Variants in ARNT2 observed in about 807,000 individuals in gnomAD.
ARNT2 encodes the protein aryl hydrocarbon receptor nuclear translocator 2, also known as ARNT protein 2.
Under a neutral mutation model 91.7 loss-of-function variants are expected in ARNT2, and 36 were observed. The ratio of observed to expected loss-of-function variants is 0.39; its 90% CI spans 0.30 to 0.52. The LOEUF (loss-of-function observed/expected upper bound fraction) is 0.52, where lower values mean the gene tolerates loss of function less well. ARNT2 is among the 20% of genes least tolerant of loss of function. The pLI is 0.72. For synonymous variants in ARNT2, 365 were observed against 347.1 expected, an observed-to-expected ratio of 1.05 and a Z score of -0.57; for missense variants, 775 against 939.3, an observed-to-expected ratio of 0.83 and a Z score of 2.29.
chr15:80,570,495 CT>C (rs779551625), intron 12 of ARNT2, among the ~76,000 whole-genome samples: 19 of 151,534 alleles, frequency 1.3e-4, no homozygotes, highest in South Asian at 2.1e-4. Context: ...GAAAGTAATG[CT>C]TTTTTTTTCT....
chr15:80,576,737 C>A (rs1898683078), intron 14 of ARNT2, 129 bp from the exon 15 acceptor site: 3 of 886,662 alleles, frequency 3.4e-6, no homozygotes, highest in African/African-American at 1.6e-5. Flanking sequence ...AGATTGCGTG[C>A]AGGCGGGCTG....
intron 1 of ARNT2, among the ~76,000 whole-genome samples, chr15:80,416,557 GATT>G (rs1458955188): frequency 1.3e-5 from 2 of 152,096 alleles, no homozygotes; most frequent in Middle Eastern, 3.2e-3. Context: ...TTTAACCTAG[GATT>G]ATAAGTTACA....
At chr15:80,491,796 C>CTTTTTTT (rs58958624) in intron 5 of ARNT2, among the ~76,000 whole-genome samples, 1 of 67,614 alleles carries the variant, frequency 1.5e-5, no homozygotes, top group African/African-American at 6.3e-5. Context: ...CAGGACAGGC[C>CTTTTTTT]TTTTTTTTTT....
intron 1 of ARNT2, among the ~76,000 whole-genome samples, chr15:80,422,900 CA>C (rs1372548647): frequency 6.6e-6 from 1 of 152,144 alleles, no homozygotes; most frequent in African/African-American, 2.4e-5. Flanking sequence ...CCATGATTAT[CA>C]CTTTTTGCGT....
Position 80,569,843 on chromosome 15 carries a change from G to A in ARNT2, c.1317-4305G>A, listed in dbSNP as rs74027854. 3.9e-5 allele frequency among the ~76,000 whole-genome samples: 6 copies of A among 152,194 alleles called. No individual in the cohort carries two copies. The South Asian group carries it at 8.3e-4, about 21-fold the overall frequency. ...GAGGGCCAGGTTTGTGCCCCACTTC[G>A]CCCCTTGGCCAGGCATCCGGGGCAC... On this transcript the variant is annotated intron_variant, in intron 12 of 18. Transcript: ENST00000303329.
intron 17 of ARNT2, among the ~76,000 whole-genome samples, chr15:80,587,111 A>T (rs1247621281): frequency 6.6e-6 from 1 of 152,216 alleles, no homozygotes; most frequent in East Asian, 1.9e-4. Context: ...GTGAGGCCTT[A>T]GCCAGAAGGC....
chr15:80,418,070 C>T (rs1001246110), intron 1 of ARNT2, among the ~76,000 whole-genome samples: 14 of 152,210 alleles, frequency 9.2e-5, no homozygotes, highest in African/African-American at 3.4e-4. Flanking sequence ...TTGTTTCTCT[C>T]AGCACCATCC....
intron 5 of ARNT2, among the ~76,000 whole-genome samples, chr15:80,485,334 C>T (rs577591040): frequency 6.6e-6 from 1 of 152,204 alleles, no homozygotes; most frequent in East Asian, 1.9e-4. Context: ...TTTTTTCTTT[C>T]TCTTTGTTCT....
intron 5 of ARNT2, among the ~76,000 whole-genome samples, chr15:80,492,657 A>G (rs188662815): frequency 4.1e-4 from 62 of 151,992 alleles, no homozygotes; most frequent in Admixed American, 6.5e-4. Context: ...TTTGCATATT[A>G]TATTTACCTC....
intron 5 of ARNT2, among the ~76,000 whole-genome samples, chr15:80,494,161 C>G (rs1897093969): frequency 6.6e-6 from 1 of 152,188 alleles, no homozygotes; most frequent in Non-Finnish European, 1.5e-5. Flanking sequence ...GACACATGAG[C>G]TGCTCATACT....
At chr15:80,569,164 A>G (rs1223906312) in intron 12 of ARNT2, among the ~76,000 whole-genome samples, 1 of 152,150 alleles carries the variant, frequency 6.6e-6, no homozygotes. Flanking sequence ...TGCCCGCTTC[A>G]TGGCTTCTTG....
At chr15:80,417,169 A>G (rs1392093918) in intron 1 of ARNT2, among the ~76,000 whole-genome samples, 1 of 152,226 alleles carries the variant, frequency 6.6e-6, no homozygotes, top group African/African-American at 2.4e-5. Flanking sequence ...TGACATACAA[A>G]TTGAAAAGCT....
chr15:80,440,969 T>G (rs1343581559), intron 1 of ARNT2, among the ~76,000 whole-genome samples: 1 of 152,258 alleles, frequency 6.6e-6, no homozygotes, highest in African/African-American at 2.4e-5. Flanking sequence ...TTGGGAATCA[T>G]GTGCCCTGTC....
At position 80,591,426 on chromosome 15, in the gene ARNT2, G is replaced by C. The variant is rs142411931; in HGVS notation, c.1919-142G>C. The C allele has an allele frequency of 9.4e-7, 1 of 1,061,106 alleles. No homozygotes were observed. The highest frequency in any genetic ancestry group is 1.6e-5 in the African/African-American group (1 of 63,402). 65.7% of individuals were successfully genotyped at this position (1,061,106 alleles called of 1,614,324 possible). A position where few individuals can be genotyped will look rare whatever the true frequency, so the allele number is the denominator to read the frequency against. ...TGATCTGTCAGCCAGTGAGAAAGAC[G>C]AGGATAGCAAACACATTCCGCCAGC... On this transcript the variant is annotated intron_variant, in intron 17 of 18. Transcript: ENST00000303329. The surrounding 1 kb of genome is among the most constrained non-coding windows in gnomAD (Gnocchi z 5.1).
At chr15:80,487,324 A>T (rs1020154980) in intron 5 of ARNT2, among the ~76,000 whole-genome samples, 2 of 152,166 alleles carry the variant, frequency 1.3e-5, no homozygotes, top group African/African-American at 4.8e-5. Flanking sequence ...GCTGGGCACA[A>T]TCCAGAGCCG....
chr15:80,412,499 T>A (rs958996651), intron 1 of ARNT2, among the ~76,000 whole-genome samples: 1 of 59,962 alleles, frequency 1.7e-5, no homozygotes, highest in Non-Finnish European at 3.5e-5. Flanking sequence ...AAATATTGTG[T>A]GTGTGTGTAT....
At chr15:80,540,681 T>A (rs1409563883) in intron 8 of ARNT2, among the ~76,000 whole-genome samples, 1 of 152,140 alleles carries the variant, frequency 6.6e-6, no homozygotes, top group African/African-American at 2.4e-5. Flanking sequence ...CAGTGTCTAT[T>A]GTTGCCATCT....
chr15:80,535,414 T>A (rs141577753), intron 8 of ARNT2, among the ~76,000 whole-genome samples: 7 of 152,330 alleles, frequency 4.6e-5, no homozygotes, highest in Middle Eastern at 3.4e-3. Flanking sequence ...CTCTAGATGT[T>A]TTTATTCTTT....
chr15:80,490,793 G>A (rs1280812877), intron 5 of ARNT2, among the ~76,000 whole-genome samples: 2 of 152,352 alleles, frequency 1.3e-5, no homozygotes, highest in African/African-American at 2.4e-5. Context: ...CACTAGAAAC[G>A]GAAGATGCAG....
Sources: allele counts gnomAD v4.1 joint callset (sites outside exome capture counted in the v4.1 genomes callset), GRCh38; gene constraint gnomAD v4.1.1; non-coding constraint Gnocchi (gnomAD v3.1); transcripts MANE v1.5; gene names NCBI Gene and HGNC (gene_info 2026-07-23, HGNC 2026-07-21).